HDAC8: variants seen among roughly 807,000 people sequenced by gnomAD.
HDAC8 encodes histone deacetylase 8.
Under a neutral mutation model 32.2 loss-of-function variants are expected in HDAC8, and 1 was observed. The ratio of observed to expected loss-of-function variants is 0.03; its 90% CI spans 0.01 to 0.15. HDAC8 has a LOEUF of 0.15. Among genes scored for constraint, HDAC8 ranks in the 10% least tolerant of loss-of-function variants. The pLI, the probability that HDAC8 is intolerant of heterozygous loss-of-function variation, is 1.00. For missense variants in HDAC8, 117 were observed against 300.0 expected (o/e 0.39, Z 4.51); for synonymous variants, 108 against 113.9 (o/e 0.95, Z 0.33).
intron 9 of HDAC8, among the ~76,000 whole-genome samples, chrX:72,446,232 A>G (rs1853205268): frequency 8.9e-6 from 1 of 112,340 alleles, no homozygotes; most frequent in African/African-American, 3.2e-5. Flanking sequence ...AGACACACGC[A>G]CACGTATGTT....
At chrX:72,394,929 G>A (rs2045719653) in intron 9 of HDAC8, among the ~76,000 whole-genome samples, 2 of 111,364 alleles carry the variant, frequency 1.8e-5, no homozygotes, top group African/African-American at 6.5e-5. Context: ...GTGAGCATTT[G>A]GGTGCTGGAC....
intron 4 of HDAC8, among the ~76,000 whole-genome samples, chrX:72,564,766 ATCTG>A (rs1556129844): frequency 9.0e-6 from 1 of 111,682 alleles, no homozygotes; most frequent in East Asian, 2.8e-4. Flanking sequence ...ACTATAACCT[ATCTG>A]TCTAATTTTT....
At position 72,495,340 on chromosome X, in the gene HDAC8, A is replaced by T. The variant is rs782113768; in HGVS notation, c.438-72T>A. 3.7e-4 allele frequency: 230 copies of T among 619,370 alleles called. No individual in the cohort carries two copies. The African/African-American group carries it at 4.3e-3, about 12-fold the overall frequency. The allele number at this position is 619,370 out of a possible 1,213,427, so 51.0% of individuals were successfully genotyped here. On this transcript the variant is annotated intron_variant, in intron 4 of 10. Transcript: ENST00000373573. ...AGGGAGTCTTTACAGCCAAGGATCTAACCCTTGAGATCTAGTCCCCTAAAG... is the reference window on the plus strand; with the variant it reads ...AGGGAGTCTTTACAGCCAAGGATCTTACCCTTGAGATCTAGTCCCCTAAAG...
At chrX:72,441,140 T>G (rs2047127892) in intron 9 of HDAC8, among the ~76,000 whole-genome samples, 1 of 112,918 alleles carries the variant, frequency 8.9e-6, no homozygotes, top group South Asian at 3.6e-4. Context: ...CAGTAACCTC[T>G]GCAGACTTAA....
intron 10 of HDAC8, among the ~76,000 whole-genome samples, chrX:72,332,804 A>T (rs1054211479): frequency 9.1e-5 from 10 of 110,249 alleles, no homozygotes; most frequent in African/African-American, 3.3e-4. Context: ...GGCATGTGCC[A>T]CCATGCTCGA....
chrX:72,433,905 T>C (rs2046883887), intron 9 of HDAC8, among the ~76,000 whole-genome samples: 1 of 112,275 alleles, frequency 8.9e-6, no homozygotes, highest in South Asian at 3.7e-4. Context: ...GTAACTTACA[T>C]AAGCCTCACT....
At chrX:72,424,089 A>G (rs1162392305) in intron 9 of HDAC8, among the ~76,000 whole-genome samples, 1 of 112,027 alleles carries the variant, frequency 8.9e-6, no homozygotes, top group Non-Finnish European at 1.9e-5. Flanking sequence ...TATAGAACTC[A>G]AGGTTGAAAT....
chrX:72,571,114 C>T (rs1167567519), intron 2 of HDAC8, among the ~76,000 whole-genome samples: 1 of 110,142 alleles, frequency 9.1e-6, no homozygotes, highest in African/African-American at 3.3e-5. Context: ...TTAGTAGAGA[C>T]GGGGTTTCAC....
At chrX:72,359,561 A>AT (rs2044479715) in intron 9 of HDAC8, among the ~76,000 whole-genome samples, 1 of 111,080 alleles carries the variant, frequency 9.0e-6, no homozygotes, top group Non-Finnish European at 1.9e-5. Flanking sequence ...GGAAGCCTTG[A>AT]TTCCCATGTT....
chrX:72,523,497 T>A (rs2050043163), intron 4 of HDAC8, among the ~76,000 whole-genome samples: 1 of 111,508 alleles, frequency 9.0e-6, no homozygotes, highest in South Asian at 3.8e-4. Context: ...TCCTATACAC[T>A]ACTTCTTTAT....
At chrX:72,405,553 A>G (rs1408246292) in intron 9 of HDAC8, among the ~76,000 whole-genome samples, 1 of 112,487 alleles carries the variant, frequency 8.9e-6, no homozygotes, top group Non-Finnish European at 1.9e-5. Context: ...GTCTACCACA[A>G]TGGTTGAACT....
intron 7 of HDAC8, chrX:72,480,564 C>A: frequency 3.9e-6 from 1 of 254,078 alleles, no homozygotes; most frequent in Non-Finnish European, 7.4e-6. Flanking sequence ...GGTATATACC[C>A]AAAGGAATAT....
At chrX:72,352,258 C>T (rs1198735921) in intron 9 of HDAC8, among the ~76,000 whole-genome samples, 1 of 111,259 alleles carries the variant, frequency 9.0e-6, no homozygotes, top group Non-Finnish European at 1.9e-5. Context: ...TGTGAAAAAC[C>T]TCCCCATCCT....
intron 7 of HDAC8, among the ~76,000 whole-genome samples, chrX:72,482,123 A>G (rs2048527130): frequency 8.9e-6 from 1 of 111,932 alleles, no homozygotes. Context: ...CTGGTTGAAC[A>G]GCTTAGCATG....
chrX:72,403,672 C>A lies in HDAC8; in HGVS notation c.1006-51834G>T, dbSNP rs190972992. 2.7e-5 allele frequency among the ~76,000 whole-genome samples: 3 copies of A among 111,678 alleles called. No individual in the cohort carries two copies. In the East Asian group the frequency reaches 8.4e-4, roughly 31 times the overall value. ...TGAAACGCCGTCTCTACCAAAAATA[C>A]AAAAATTAGTTGGTTGTGGTGGTGG... On this transcript the variant is annotated intron_variant, in intron 9 of 10. Transcript: ENST00000373573.
chrX:72,521,421 A>G (rs2049978316), intron 4 of HDAC8, among the ~76,000 whole-genome samples: 1 of 111,567 alleles, frequency 9.0e-6, no homozygotes, highest in African/African-American at 3.3e-5. Flanking sequence ...AATGCATGCC[A>G]GTGGCAATGA....
chrX:72,503,832 C>A (rs148957445), intron 4 of HDAC8, among the ~76,000 whole-genome samples: 1 of 112,040 alleles, frequency 8.9e-6, no homozygotes, highest in African/African-American at 3.2e-5. Context: ...GGAGCCAATG[C>A]ATACAAAGCC....
chrX:72,455,732 G>A lies in HDAC8; in HGVS notation c.1005+6272C>T, dbSNP rs7063907. On this transcript the variant is annotated intron_variant, in intron 9 of 10. Coordinates refer to ENST00000373573, the MANE Select transcript of HDAC8 (RefSeq NM_018486.3). ...CTTAAGCTTTTTTTCCAGTGAGATC[G>A]GTGGTGAGATCAATGACTGATTTTT... 8.5e-3 allele frequency among the ~76,000 whole-genome samples: 953 copies of A among 111,720 alleles called. 14 individuals are homozygous for A. Among genetic ancestry groups the A allele is most frequent in the African/African-American group, 0.029 (897 of 30,795 alleles).
At chrX:72,557,709 A>G (rs1425404599) in intron 4 of HDAC8, among the ~76,000 whole-genome samples, 2 of 111,702 alleles carry the variant, frequency 1.8e-5, no homozygotes, top group African/African-American at 6.5e-5. Flanking sequence ...CAAACCCAGC[A>G]GAAGAAAAGA....
Sources: gnomAD v4.1 joint callset for allele counts (sites outside exome capture counted in the v4.1 genomes callset) on GRCh38, gnomAD v4.1.1 for gene constraint, MANE v1.5 for transcripts, NCBI Gene and HGNC (gene_info 2026-07-23, HGNC 2026-07-21) for gene names.